The following DENND4C variants were observed in gnomAD, a reference collection of about 807,000 sequenced individuals.
DENND4C encodes the protein DENN domain containing 4C.
A neutral mutation model predicts 203.0 loss-of-function variants in DENND4C; 108 were observed. The ratio of observed to expected loss-of-function variants is 0.53; its 90% CI spans 0.46 to 0.62. The LOEUF is 0.62. Among genes scored for constraint, DENND4C ranks in the 20% least tolerant of loss-of-function variants. The probability of loss-of-function intolerance (pLI) is 0.00; values close to 1 mark genes in which losing one functional copy is unlikely to be tolerated. For synonymous variants in DENND4C, 871 were observed against 792.4 expected, an observed-to-expected ratio of 1.10 and a Z score of -1.67; for missense variants, 2,481 against 2,301.2, an observed-to-expected ratio of 1.08 and a Z score of -1.60.
chr9:19,279,926 G>GT (rs1427521729), intron 2 of DENND4C, among the ~76,000 whole-genome samples: 1 of 152,018 alleles, frequency 6.6e-6, no homozygotes. Flanking sequence ...TTCAAGGGTT[G>GT]TTTTTTAACC....
intron 7 of DENND4C, among the ~76,000 whole-genome samples, chr9:19,298,824 A>T (rs1837972837): frequency 6.6e-6 from 1 of 152,156 alleles, no homozygotes; most frequent in Non-Finnish European, 1.5e-5. Context: ...GTATGGTGGG[A>T]TTAAGTCAGA....
intron 5 of DENND4C, among the ~76,000 whole-genome samples, chr9:19,294,617 G>A (rs907377172): frequency 1.3e-5 from 2 of 152,072 alleles, no homozygotes; most frequent in Non-Finnish European, 2.9e-5. Context: ...CACGATAGGC[G>A]GAAGGTGGAA....
At chr9:19,284,245 C>A (rs34014776) in intron 2 of DENND4C, among the ~76,000 whole-genome samples, 27 of 152,058 alleles carry the variant, frequency 1.8e-4, no homozygotes, top group African/African-American at 6.0e-4. Context: ...GCCTTTTTCA[C>A]CTAAGAGTAT....
chr9:19,326,495 T>C (rs1817864835), intron 15 of DENND4C, among the ~76,000 whole-genome samples: 3 of 152,120 alleles, frequency 2.0e-5, no homozygotes, highest in Admixed American at 2.0e-4. Flanking sequence ...AGTTTCATTT[T>C]GAAACAAAGA....
rs1289095347 is a variant in DENND4C at position 19,336,713 on chromosome 9, A to T, written c.2762A>T (p.Asp921Val). ...CTTCAAAATGTCACAGGTGGAAGTG[A>T]TGGGGACACGGTGAGCCACGGTAGT... ...SALQNVTGGS[D>V]GDTVSHGSVD... The change falls in exon 20 of 33, where the codon GAT (aspartate) becomes GTT (valine). Residue 921 changes from aspartate (D) to valine (V), a missense_variant. Transcript: ENST00000434457. 8 of 1,550,986 alleles carry T rather than the reference A, an allele frequency of 5.2e-6. No individual in the cohort carries two copies. Among genetic ancestry groups the T allele is most frequent in the South Asian group, 2.4e-5 (2 of 84,048 alleles).
At chr9:19,265,788 CT>C (rs1177509874) in intron 1 of DENND4C, among the ~76,000 whole-genome samples, 2 of 152,118 alleles carry the variant, frequency 1.3e-5, no homozygotes, top group Admixed American at 6.6e-5. Flanking sequence ...AGAACTCAAC[CT>C]TTTTTATGGC....
chr9:19,351,390 T>C (rs1052749846), intron 24 of DENND4C, among the ~76,000 whole-genome samples: 2 of 152,236 alleles, frequency 1.3e-5, no homozygotes, highest in African/African-American at 2.4e-5. Context: ...AGCAGTTCTC[T>C]GGGTGAATCC....
chr9:19,361,883 T>C lies in DENND4C; in HGVS notation c.5444T>C (p.Val1815Ala). 1 of 1,612,528 alleles carries C rather than the reference T, an allele frequency of 6.2e-7. No individual in the cohort carries two copies. Among genetic ancestry groups the C allele is most frequent in the Non-Finnish European group, 8.5e-7 (1 of 1,178,576 alleles). The change falls in exon 30 of 33, where the codon GTG (valine) becomes GCG (alanine). Residue 1815 changes from valine (V) to alanine (A), a missense_variant. By Grantham distance (64) the Val-to-Ala change is moderately conservative (BLOSUM62 0). Transcript: ENST00000434457. ...LSSLSQDSKL[V>A]YIQLLWDNIN... is the part of the protein sequence containing the mutation. ...TCTCTGTCCCAGGATAGCAAACTTGTGTATATTCAGCTGTTATGGGATAAT... is the reference window on the plus strand; with the variant it reads ...TCTCTGTCCCAGGATAGCAAACTTGCGTATATTCAGCTGTTATGGGATAAT...
chr9:19,354,185 T>C (rs752420786), intron 26 of DENND4C, among the ~76,000 whole-genome samples: 9 of 152,254 alleles, frequency 5.9e-5, no homozygotes, highest in Non-Finnish European at 1.3e-4. Context: ...AGGAAGTTAA[T>C]ATACCTTTCT....
chr9:19,251,904 A>G (rs967830550), intron 1 of DENND4C, among the ~76,000 whole-genome samples: 6 of 152,152 alleles, frequency 3.9e-5, no homozygotes, highest in African/African-American at 1.4e-4. Context: ...GGGAGTTCCA[A>G]ACTTTCCCAC....
intron 20 of DENND4C, among the ~76,000 whole-genome samples, chr9:19,338,594 G>T (rs1412073187): frequency 1.3e-5 from 2 of 152,144 alleles, no homozygotes; most frequent in Non-Finnish European, 2.9e-5. Flanking sequence ...TTCAGCCCAG[G>T]TGCTTAAGTT....
At chr9:19,334,743 C>G (rs1260654276) in intron 17 of DENND4C, among the ~76,000 whole-genome samples, 1 of 152,058 alleles carries the variant, frequency 6.6e-6, no homozygotes, top group African/African-American at 2.4e-5. Context: ...CCAGGTTGGT[C>G]TCGAACTCCT....
At chr9:19,275,592 T>G (rs1663450477) in intron 1 of DENND4C, among the ~76,000 whole-genome samples, 1 of 152,078 alleles carries the variant, frequency 6.6e-6, no homozygotes, top group African/African-American at 2.4e-5. Flanking sequence ...TGCCTCAGCC[T>G]CCCGGGTAGC....
intron 12 of DENND4C, 76 bp downstream of exon 12, chr9:19,316,915 A>G (rs1320909084): frequency 1.6e-6 from 2 of 1,270,214 alleles, no homozygotes; most frequent in Admixed American, 2.3e-5. Context: ...GCCAAGAAAT[A>G]CTTATTGTAT....
At chr9:19,245,194 T>C (rs7047457) in intron 1 of DENND4C, among the ~76,000 whole-genome samples, 145,469 of 152,242 alleles carry the variant, frequency 0.96, 69,545 homozygotes, top group East Asian at 1. Context: ...CAGGGCCAGG[T>C]GCGGTGGCTC....
At chr9:19,338,647 G>C (rs562121585) in intron 20 of DENND4C, among the ~76,000 whole-genome samples, 1 of 152,222 alleles carries the variant, frequency 6.6e-6, no homozygotes, top group African/African-American at 2.4e-5. Context: ...TTTCCACTTG[G>C]TACCTGGTAC....
intron 5 of DENND4C, chr9:19,292,509 A>G (rs1836557029): frequency 6.6e-6 from 1 of 151,872 alleles, no homozygotes; most frequent in Non-Finnish European, 1.5e-5. Context: ...TAAAAAGCTG[A>G]TAGCAGTAGA....
chr9:19,252,217 T>C (rs940184006), intron 1 of DENND4C, among the ~76,000 whole-genome samples: 1 of 152,152 alleles, frequency 6.6e-6, no homozygotes, highest in Admixed American at 6.6e-5. Flanking sequence ...AATAGAGAGC[T>C]GGTGCAGGGA....
intron 27 of DENND4C, 70 bp downstream of exon 27, chr9:19,357,224 A>G: frequency 6.7e-7 from 1 of 1,502,938 alleles, no homozygotes; most frequent in Non-Finnish European, 9.2e-7. Flanking sequence ...TCTGTCTCTA[A>G]AGACAACCTG....
Sources: allele counts gnomAD v4.1 joint callset (sites outside exome capture counted in the v4.1 genomes callset), GRCh38; gene constraint gnomAD v4.1.1; transcripts MANE v1.5; gene names NCBI Gene and HGNC (gene_info 2026-07-23, HGNC 2026-07-21).